MKRN1: variants seen among roughly 807,000 people sequenced by gnomAD.
MKRN1 encodes the protein makorin ring finger protein 1.
A neutral mutation model predicts 55.5 loss-of-function variants in MKRN1; 9 were observed. The ratio of observed to expected loss-of-function variants is 0.16; its 90% confidence interval spans 0.10 to 0.28. MKRN1 has a LOEUF of 0.28. Among genes scored for constraint, MKRN1 ranks in the 10% least tolerant of loss-of-function variants. The pLI is 1.00. For synonymous variants in MKRN1, 253 were observed against 235.9 expected (o/e 1.07, Z -0.66); for missense variants, 488 against 626.7 (o/e 0.78, Z 2.36).
At chr7:140,474,323 C>CT in intron 1 of MKRN1, 1 of 199,424 alleles carries the variant, frequency 5.0e-6, no homozygotes, top group South Asian at 5.7e-5. Context: ...CAGTGAAACC[C>CT]TGTTTCTACT....
chr7:140,471,426 AGAT>A (rs1794921258), intron 2 of MKRN1, among the ~76,000 whole-genome samples: 1 of 152,140 alleles, frequency 6.6e-6, no homozygotes, highest in Non-Finnish European at 1.5e-5. Context: ...TAACATCCAC[AGAT>A]AATACACCTA....
intron 7 of MKRN1, among the ~76,000 whole-genome samples, 177 bp downstream of exon 7, chr7:140,454,918 C>G (rs754634045): frequency 3.3e-5 from 5 of 152,172 alleles, no homozygotes; most frequent in Admixed American, 6.5e-5. Flanking sequence ...CTTTAACACA[C>G]ATTTTTTCTT....
chr7:140,472,036 T>C, intron 1 of MKRN1, 25 bp from the exon 2 acceptor site: 2 of 1,613,490 alleles, frequency 1.2e-6, no homozygotes. Flanking sequence ...ACCACAAAAC[T>C]GGATTAAAAC....
chr7:140,456,607 T>A (rs758616705), intron 5 of MKRN1, 45 bp downstream of exon 5: 28 of 1,600,092 alleles, frequency 1.7e-5, no homozygotes, highest in Non-Finnish European at 2.4e-5. Flanking sequence ...ACTAAATTCT[T>A]CCCCAAAAGA....
Position 140,458,582 on chromosome 7 carries a change from C to A in MKRN1, c.771+425G>T, listed in dbSNP as rs570385319. 1.0e-3 allele frequency among the ~76,000 whole-genome samples: 155 copies of A among 152,242 alleles called. 1 individual carries two copies. Among genetic ancestry groups the A allele is most frequent in the African/African-American group, 3.3e-3 (139 of 41,536 alleles). On this transcript the variant is annotated intron_variant, in intron 4 of 7. Coordinates refer to ENST00000255977, the MANE Select transcript of MKRN1 (RefSeq NM_013446.4). The stretch of plus-strand genomic sequence containing the variant: ...TAGTAAAATGGTAATGGTTGCACAT[C>A]TCTGTAAATATACTAAAAACCAATG...
At position 140,456,660 on chromosome 7, in the gene MKRN1, C is replaced by A; in HGVS notation, c.978G>T (p.Lys326Asn). 3 of 1,614,118 alleles carry A rather than the reference C, an allele frequency of 1.9e-6. No individual in the cohort carries two copies. The highest frequency in any genetic ancestry group is 1.1e-5 in the South Asian group (1 of 91,078). Residue 326 changes from lysine to asparagine, a missense_variant, in exon 5 of 8, where the codon AAG (lysine) becomes AAT (asparagine). By Grantham distance (94) the Lys-to-Asn change is moderately conservative (BLOSUM62 0). Transcript: ENST00000255977. Reference sequence around the variant, plus strand: ...CTGGGGAGGAGTCTCACTTTATGATCTTGCTCTCAAATTGCTTAGCACTCC... The same window carrying A: ...CTGGGGAGGAGTCTCACTTTATGATATTGCTCTCAAATTGCTTAGCACTCC... Reference protein sequence around the residue: ...KWRSAKQFESKIIKSCPECRI... With the variant: ...KWRSAKQFESNIIKSCPECRI...
chr7:140,473,333 CTG>C (rs944090982), intron 1 of MKRN1: 6 of 421,818 alleles, frequency 1.4e-5, no homozygotes, highest in Middle Eastern at 3.4e-4. Context: ...CCATGAGACA[CTG>C]TGCAGTAAAA....
At chr7:140,460,521 G>A (rs556348069) in intron 2 of MKRN1, among the ~76,000 whole-genome samples, 31 of 151,844 alleles carry the variant, frequency 2.0e-4, no homozygotes, top group African/African-American at 6.5e-4. Context: ...GGCTGATCTC[G>A]AACTCCTGAC....
chr7:140,471,082 C>G (rs1224438309), intron 2 of MKRN1, among the ~76,000 whole-genome samples: 1 of 152,130 alleles, frequency 6.6e-6, no homozygotes, highest in Admixed American at 6.6e-5. Flanking sequence ...ACTGTTTTAA[C>G]CTACTAAATT....
chr7:140,459,019 C>T lies in MKRN1; in HGVS notation c.759G>A (p.Ser253=), dbSNP rs368732188. 486 of 1,613,790 alleles carry T rather than the reference C, an allele frequency of 3.0e-4. 1 individual carries two copies. Among genetic ancestry groups the T allele is most frequent in the South Asian group, 9.9e-5 (9 of 91,072 alleles). The change falls in exon 4 of 8, where the codon TCG becomes TCA. Residue 253 remains serine (S), a synonymous_variant. Coordinates refer to ENST00000255977, the MANE Select transcript of MKRN1 (RefSeq NM_013446.4). ...VLHPMDAAQR[S]QHIKSCIEAH... ...CCTAAAGACTTACTTTGATATGCTG[C>T]GATCTCTGGGCAGCATCCATTGGAT...
chr7:140,469,700 C>T (rs915368566), intron 2 of MKRN1, among the ~76,000 whole-genome samples: 24 of 152,100 alleles, frequency 1.6e-4, no homozygotes, highest in African/African-American at 5.8e-4. Flanking sequence ...ACTGCCTGAG[C>T]TCAGGAATTT....
Position 140,454,965 on chromosome 7 carries a change from C to T in MKRN1, c.1236+130G>A. 3.0e-6 allele frequency: 4 copies of T among 1,332,626 alleles called. No individual in the cohort carries two copies. The Admixed American group carries it at 9.1e-5, about 30-fold the overall frequency. The allele number at this position is 1,332,626 out of a possible 1,614,324, so 82.6% of individuals were successfully genotyped here. A position where few individuals can be genotyped will look rare whatever the true frequency, so the allele number is the denominator to read the frequency against. ...CCTCCCAGTTTTCTGAGGTTTGTTT[C>T]CTCCTTTAATACTCTACACTTTCGC... On this transcript the variant is annotated intron_variant, in intron 7 of 7. Coordinates refer to ENST00000255977, the MANE Select transcript of MKRN1 (RefSeq NM_013446.4).
At chr7:140,462,165 C>T (rs917043425) in intron 2 of MKRN1, among the ~76,000 whole-genome samples, 5 of 151,816 alleles carry the variant, frequency 3.3e-5, no homozygotes, top group Non-Finnish European at 5.9e-5. Flanking sequence ...GTAGCTGGGA[C>T]GACAGGTGTG....
In MKRN1 at chr7:140,454,200, G is replaced by A. The variant is rs148884557; in HGVS notation, c.*317C>T. 7.6e-3 allele frequency: 2,629 copies of A among 347,638 alleles called. 25 individuals carry two copies. The highest frequency in any genetic ancestry group is 0.012 in the Non-Finnish European group (2,122 of 180,858). 21.5% of individuals were successfully genotyped at this position (347,638 alleles called of 1,614,324 possible). A position where few individuals can be genotyped will look rare whatever the true frequency, so the allele number is the denominator to read the frequency against. The stretch of plus-strand genomic sequence containing the variant: ...TTTGAACCTGGGGTCCTCAAAATGA[G>A]TGTGTGAAAAGTCCATAAATGCAAT... On this transcript the variant is annotated 3_prime_UTR_variant, in exon 8 of 8. Coordinates refer to ENST00000255977, the MANE Select transcript of MKRN1 (RefSeq NM_013446.4).
intron 1 of MKRN1, 116 bp downstream of exon 1, chr7:140,479,044 G>A (rs1163408991): frequency 1.1e-5 from 13 of 1,186,658 alleles, no homozygotes; most frequent in African/African-American, 4.8e-5. Flanking sequence ...AGACAACGCC[G>A]GTCCCCGCCC....
intron 2 of MKRN1, among the ~76,000 whole-genome samples, chr7:140,463,760 C>T (rs545792798): frequency 6.6e-6 from 1 of 152,146 alleles, no homozygotes; most frequent in South Asian, 2.1e-4. Context: ...TGGCAGGCGC[C>T]TGTAGTCCCA....
At chr7:140,458,487 A>C (rs936940880) in intron 4 of MKRN1, among the ~76,000 whole-genome samples, 1 of 152,222 alleles carries the variant, frequency 6.6e-6, no homozygotes, top group Non-Finnish European at 1.5e-5. Context: ...CGTTATTGCC[A>C]GGAGCTGGAG....
chr7:140,472,349 C>T (rs1482239327), intron 1 of MKRN1: 1 of 249,688 alleles, frequency 4.0e-6, no homozygotes, highest in Non-Finnish European at 7.9e-6. Flanking sequence ...AGGAGAACTG[C>T]TTACACGTGG....
chr7:140,472,692 T>A (rs1292828787), intron 1 of MKRN1, among the ~76,000 whole-genome samples: 1 of 151,262 alleles, frequency 6.6e-6, no homozygotes, highest in Non-Finnish European at 1.5e-5. Context: ...CTGGCCCTTG[T>A]TTTTGCATTG....
Sources: allele counts gnomAD v4.1 joint callset (sites outside exome capture counted in the v4.1 genomes callset), GRCh38; gene constraint gnomAD v4.1.1; transcripts MANE v1.5; gene names NCBI Gene and HGNC (gene_info 2026-07-23, HGNC 2026-07-21).